The following SPATA31C1 variants were observed in gnomAD, a reference collection of about 807,000 sequenced individuals.
SPATA31C1 encodes the protein spermatogenesis-associated protein 31C1.
chr9:87,919,172 T>C lies in SPATA31C1; in HGVS notation n.523-119T>C, dbSNP rs1320890575. 5.7e-6 allele frequency: 9 copies of C among 1,578,510 alleles called. No individual in the cohort carries two copies. The Admixed American group carries it at 7.0e-5, about 12-fold the overall frequency. ...TCCCTGAGCAAGACAGACAGAGCCATGCGGTTCATGAGTGCAGCGTGCTGC... is the reference window on the plus strand; with the variant it reads ...TCCCTGAGCAAGACAGACAGAGCCACGCGGTTCATGAGTGCAGCGTGCTGC... On this transcript the variant is annotated intron_variant and non_coding_transcript_variant, in intron 2 of 4. Transcript: ENST00000420021.
At chr9:87,920,917 C>T in exon 5 of SPATA31C1, 1 of 1,613,276 alleles carries the variant, frequency 6.2e-7, no homozygotes, top group East Asian at 2.2e-5. Flanking sequence ...CATCTGGGGC[C>T]TGAGTCCCAA....
intron 2 of SPATA31C1, 36 bp from the exon 2 acceptor site, chr9:87,919,219 G>A (rs1354670278): frequency 2.8e-6 from 4 of 1,421,344 alleles, no homozygotes; most frequent in South Asian, 2.4e-5. Context: ...GAGAGGGAGA[G>A]CCGGTCCTAG....
chr9:87,919,764 T>A (rs916072789), intron 3 of SPATA31C1, among the ~76,000 whole-genome samples, 152 bp from the exon 3 acceptor site: 3 of 134,948 alleles, frequency 2.2e-5, no homozygotes, highest in African/African-American at 8.1e-5. Flanking sequence ...CCTCTATGCC[T>A]TGCTATTACC....
chr9:87,917,194 A>G (rs1426629753), intron 1 of SPATA31C1, among the ~76,000 whole-genome samples: 2 of 139,504 alleles, frequency 1.4e-5, no homozygotes, highest in East Asian at 4.7e-4. Flanking sequence ...GGCAGATCAC[A>G]AGGTCCGGAG....
chr9:87,922,949 CT>C, exon 5 of SPATA31C1: 1 of 1,587,338 alleles, frequency 6.3e-7, no homozygotes, highest in Non-Finnish European at 8.5e-7. Flanking sequence ...CAATAAGCCA[CT>C]TTGGAGAAAA....
intron 1 of SPATA31C1, among the ~76,000 whole-genome samples, chr9:87,916,251 C>CAA (rs756907084): frequency 0.07 from 5,398 of 77,498 alleles, 985 homozygotes; most frequent in East Asian, 0.57. Context: ...GACTCCATCT[C>CAA]AAAAAAAAAA....
At chr9:87,917,081 A>T (rs1343693630) in intron 1 of SPATA31C1, among the ~76,000 whole-genome samples, 5 of 136,482 alleles carry the variant, frequency 3.7e-5, no homozygotes, top group African/African-American at 1.3e-4. Context: ...ATTTTAAAAA[A>T]ATCTTAATTG....
chr9:87,923,064 G>A (rs1828919701), exon 5 of SPATA31C1: 14 of 1,600,812 alleles, frequency 8.7e-6, no homozygotes, highest in African/African-American at 4.1e-5. Context: ...ATGCGTGTAC[G>A]GCAGCAGTGC....
chr9:87,919,166 G>A (rs1440612685), intron 2 of SPATA31C1, 89 bp from the exon 2 acceptor site: 5 of 1,570,380 alleles, frequency 3.2e-6, no homozygotes, highest in Non-Finnish European at 4.3e-6. Flanking sequence ...AAGACAGACA[G>A]AGCCATGCGG....
intron 4 of SPATA31C1, 101 bp from the exon 4 acceptor site, chr9:87,920,151 A>C: frequency 6.2e-7 from 1 of 1,600,504 alleles, no homozygotes; most frequent in Non-Finnish European, 8.5e-7. Context: ...GGCGTGGTGG[A>C]GAGGGTGTGG....
chr9:87,921,361 C>G, exon 5 of SPATA31C1: 1 of 1,611,808 alleles, frequency 6.2e-7, no homozygotes, highest in Admixed American at 1.7e-5. Context: ...TTGCCAGGGA[C>G]AAGTCAGGCC....
exon 5 of SPATA31C1, chr9:87,922,805 G>A: frequency 6.2e-7 from 1 of 1,606,306 alleles, no homozygotes. Context: ...AGAACTCTAG[G>A]AAGCCCAACT....
At chr9:87,920,618 T>G in exon 5 of SPATA31C1, 1 of 1,613,608 alleles carries the variant, frequency 6.2e-7, no homozygotes, top group Non-Finnish European at 8.5e-7. Context: ...AAGGCTTCAC[T>G]CCTCCTCCCC....
In SPATA31C1 at chr9:87,919,212, A is replaced by T. The variant is rs560037071; in HGVS notation, n.523-79A>T. The T allele has an allele frequency of 5.5e-5, 83 of 1,500,278 alleles. No individual in the cohort carries two copies. In the African/African-American group the frequency reaches 1.0e-3, roughly 19 times the overall value. 92.9% of individuals were successfully genotyped at this position (1,500,278 alleles called of 1,614,324 possible). On this transcript the variant is annotated intron_variant and non_coding_transcript_variant, in intron 2 of 4. Transcript: ENST00000420021. ...CAGCGTGCTGCGGCTGGGGGCAGAG[A>T]GGGAGAGCCGGTCCTAGCTCCTCGC...
At chr9:87,920,080 C>G in intron 4 of SPATA31C1, 104 bp downstream of exon 3, 1 of 1,608,280 alleles carries the variant, frequency 6.2e-7, no homozygotes, top group South Asian at 1.1e-5. Context: ...ACCAGGGGGA[C>G]AGAGGATGGG....
At chr9:87,921,854 G>A in exon 5 of SPATA31C1, 1 of 1,612,070 alleles carries the variant, frequency 6.2e-7, no homozygotes, top group Non-Finnish European at 8.5e-7. Flanking sequence ...TGTGTACTCA[G>A]CAGGTGCTGG....
chr9:87,915,936 TAGTA>T (rs1177363562), intron 1 of SPATA31C1, among the ~76,000 whole-genome samples: 3 of 143,514 alleles, frequency 2.1e-5, no homozygotes, highest in Non-Finnish European at 3.1e-5. Flanking sequence ...TGTTAAAAAA[TAGTA>T]AGACAAACGT....
chr9:87,916,834 A>T (rs1360374269), intron 1 of SPATA31C1, among the ~76,000 whole-genome samples: 1 of 79,936 alleles, frequency 1.3e-5, no homozygotes, highest in African/African-American at 2.7e-5. Context: ...AGTCTCTACC[A>T]AAAATACAAA....
exon 5 of SPATA31C1, chr9:87,922,273 A>G (rs1429535147): frequency 1.2e-6 from 2 of 1,612,650 alleles, no homozygotes; most frequent in Admixed American, 3.3e-5. Flanking sequence ...AGCACCCAGC[A>G]GAGCAGGAGC....
Sources: gnomAD v4.1 joint callset for allele counts (sites outside exome capture counted in the v4.1 genomes callset) on GRCh38, gnomAD v4.1.1 for gene constraint, MANE v1.5 for transcripts, NCBI Gene and HGNC (gene_info 2026-07-23, HGNC 2026-07-21) for gene names.